ARIH1: variants seen among roughly 807,000 people sequenced by gnomAD.
ARIH1 encodes ariadne RBR E3 ubiquitin protein ligase 1, also known as E3 ubiquitin-protein ligase ARIH1.
ARIH1 carries 8 observed loss-of-function variants against 85.0 expected under a neutral mutation model. The ratio of observed to expected loss-of-function variants is 0.09; its 90% CI spans 0.06 to 0.17. ARIH1 has a LOEUF of 0.17. ARIH1 is among the 10% of genes least tolerant of loss of function. The pLI, the probability that ARIH1 is intolerant of heterozygous loss-of-function variation, is 1.00. For missense variants in ARIH1, 311 were observed against 718.1 expected, an observed-to-expected ratio of 0.43 and a Z score of 6.48; for synonymous variants, 238 against 253.6, an observed-to-expected ratio of 0.94 and a Z score of 0.59.
At chr15:72,487,261 T>A (rs2140394262) in intron 1 of ARIH1, among the ~76,000 whole-genome samples, 1 of 152,268 alleles carries the variant, frequency 6.6e-6, no homozygotes, top group South Asian at 2.1e-4. Flanking sequence ...TAAGAATAGC[T>A]ATCATCCTAG....
chr15:72,504,705 G>C (rs2063917458), intron 1 of ARIH1, among the ~76,000 whole-genome samples: 1 of 152,218 alleles, frequency 6.6e-6, no homozygotes, highest in Admixed American at 6.5e-5. Flanking sequence ...AACTGGGAGA[G>C]AATCGGCAGA....
intron 9 of ARIH1, 59 bp from the exon 10 acceptor site, chr15:72,570,118 A>C: frequency 6.3e-7 from 1 of 1,580,874 alleles, no homozygotes; most frequent in Admixed American, 1.8e-5. Flanking sequence ...GCTTTTCCTT[A>C]ATGTTAGTAA....
In ARIH1 at chr15:72,474,346, G is replaced by C; in HGVS notation, c.-294G>C. On this transcript the variant is annotated 5_prime_UTR_variant, in exon 1 of 14. Transcript: ENST00000379887. ...TGTTGGCTCAGTAGCGATAGCAGCG[G>C]CCGTGGAGGTGGCGTTGGGGACTGT... 2.5e-6 allele frequency: 1 copy of C among 398,760 alleles called. No homozygotes were observed. Among genetic ancestry groups the C allele is most frequent in the Non-Finnish European group, 4.5e-6 (1 of 220,874 alleles). 24.7% of individuals were successfully genotyped at this position (398,760 alleles called of 1,614,324 possible). A position where few individuals can be genotyped will look rare whatever the true frequency, so the allele number is the denominator to read the frequency against.
intron 1 of ARIH1, among the ~76,000 whole-genome samples, chr15:72,491,109 C>G (rs2063857424): frequency 6.6e-6 from 1 of 151,964 alleles, no homozygotes; most frequent in Admixed American, 6.6e-5. Context: ...GAGTAAGACT[C>G]TTGTCTCGAA....
Position 72,567,136 on chromosome 15 carries a change from G to A in ARIH1, c.985G>A (p.Asp329Asn). 6.2e-7 allele frequency: 1 copy of A among 1,612,364 alleles called. No homozygotes were observed. The highest frequency in any genetic ancestry group is 8.5e-7 in the Non-Finnish European group (1 of 1,179,120). Residue 329 changes from aspartate (D) to asparagine (N), a missense_variant, in exon 9 of 14, where the codon GAT becomes AAT. By Grantham distance (23) the Asp-to-Asn change is conservative. Around this residue, in one of 3 missense-constraint regions of ARIH1, gnomAD observed 50 missense variants for 311.7 expected, o/e 0.16. Transcript: ENST00000379887. ...AAAGAAATGGATTAAAAAGTGTGAT[G>A]ATGACAGTGAAACCTCCAATTGGAT... The part of the protein sequence containing the change: ...WLKKWIKKCD[D>N]DSETSNWIAA...
chr15:72,491,773 T>C (rs1005364495), intron 1 of ARIH1, among the ~76,000 whole-genome samples: 4 of 152,214 alleles, frequency 2.6e-5, no homozygotes, highest in African/African-American at 9.6e-5. Context: ...TTTTACTGTT[T>C]TGTGGTTAAG....
Position 72,593,885 on chromosome 15 carries a change from G to A in ARIH1, c.*10593G>A, listed in dbSNP as rs1210511142. On this transcript the variant is annotated 3_prime_UTR_variant, in exon 14 of 14. Transcript: ENST00000379887. ...GTTCATGCCACTGCATTCCAGCTTG[G>A]GTGACAGCAAGACCCTGTCAAAAAA... 6.6e-6 allele frequency: 1 copy of A among 151,208 alleles called. No individual in the cohort carries two copies. Among genetic ancestry groups the A allele is most frequent in the Non-Finnish European group, 1.5e-5 (1 of 67,860 alleles). 9.4% of individuals were successfully genotyped at this position (151,208 alleles called of 1,614,324 possible). A position where few individuals can be genotyped will look rare whatever the true frequency, so the allele number is the denominator to read the frequency against.
intron 1 of ARIH1, among the ~76,000 whole-genome samples, chr15:72,476,228 C>T (rs1016299823): frequency 6.6e-6 from 1 of 152,050 alleles, no homozygotes; most frequent in Non-Finnish European, 1.5e-5. Flanking sequence ...ATTGAAGCAT[C>T]TATTCAGGCA....
At chr15:72,480,417 A>C (rs1267581871) in intron 1 of ARIH1, among the ~76,000 whole-genome samples, 1 of 151,468 alleles carries the variant, frequency 6.6e-6, no homozygotes, top group Non-Finnish European at 1.5e-5. Context: ...ACGCGCCACC[A>C]CACCCAGCTA....
In ARIH1 at chr15:72,537,069, T is replaced by TA. The variant is rs2064085383; in HGVS notation, c.444-7750dup. ...ACCTAAGTCTTTTATAGCAAGCTGT[T>TA]ACAGATTTGTGTGAGTTCTCATTTT... On this transcript the variant is annotated intron_variant, in intron 2 of 13. Transcript: ENST00000379887. 2.6e-5 allele frequency among the ~76,000 whole-genome samples: 4 copies of TA among 152,134 alleles called. No homozygotes were observed. The South Asian group carries it at 8.3e-4, about 32-fold the overall frequency.
Position 72,570,185 on chromosome 15 carries a change from C to T in ARIH1, c.1035C>T (p.Pro345=). The T allele has an allele frequency of 6.2e-7, 1 of 1,613,882 alleles. No homozygotes were observed. The highest frequency in any genetic ancestry group is 8.5e-7 in the Non-Finnish European group (1 of 1,179,870). Residue 345 remains proline (P), a synonymous_variant, in exon 10 of 14, where the codon CCC becomes CCT. Coordinates refer to ENST00000379887, the MANE Select transcript of ARIH1 (RefSeq NM_005744.5). ...NWIAANTKEC[P]KCHVTIEKDG... ...ATAGTTTCTCTTCATAGGAATGTCC[C>T]AAATGCCATGTCACAATTGAGAAGG...
At position 72,588,539 on chromosome 15, in the gene ARIH1, T is replaced by G. The variant is rs533775162; in HGVS notation, c.*5247T>G. 1 of 152,320 alleles carries G rather than the reference T, an allele frequency of 6.6e-6. No individual in the cohort carries two copies. The highest frequency in any genetic ancestry group is 2.1e-4 in the South Asian group (1 of 4,822). The allele number at this position is 152,320 out of a possible 1,614,324, so 9.4% of individuals were successfully genotyped here. ...GCAGACTAGGTTGAGATCCTTGATC[T>G]AGACTGCCTTCTATAGTTGCAAAAA... On this transcript the variant is annotated 3_prime_UTR_variant, in exon 14 of 14. Transcript: ENST00000379887.
chr15:72,539,679 T>G (rs928081360), intron 2 of ARIH1, among the ~76,000 whole-genome samples: 13 of 152,120 alleles, frequency 8.5e-5, no homozygotes, highest in African/African-American at 2.9e-4. Context: ...AAATGACATT[T>G]CAAAAGAGAA....
intron 5 of ARIH1, among the ~76,000 whole-genome samples, chr15:72,560,278 G>T (rs560653722): frequency 6.6e-6 from 1 of 152,162 alleles, no homozygotes; most frequent in Non-Finnish European, 1.5e-5. Context: ...AGATGTTTAA[G>T]GTGCCATGAG....
intron 13 of ARIH1, 105 bp from the exon 14 acceptor site, chr15:72,583,103 C>T: frequency 1.2e-6 from 1 of 816,718 alleles, no homozygotes; most frequent in Non-Finnish European, 1.9e-6. Flanking sequence ...GTGCTTGGTT[C>T]CGAGTCTGGA....
intron 9 of ARIH1, among the ~76,000 whole-genome samples, chr15:72,568,089 A>G (rs1436290297): frequency 6.6e-6 from 1 of 152,220 alleles, no homozygotes; most frequent in South Asian, 2.1e-4. Flanking sequence ...GAAACAGTGA[A>G]TCTTGCCACA....
At position 72,585,344 on chromosome 15, in the gene ARIH1, C is replaced by A. The variant is rs1293584966; in HGVS notation, c.*2052C>A. 1.3e-5 allele frequency: 2 copies of A among 152,084 alleles called. No individual in the cohort carries two copies. The highest frequency in any genetic ancestry group is 2.1e-4 in the South Asian group (1 of 4,820). 9.4% of individuals were successfully genotyped at this position (152,084 alleles called of 1,614,324 possible). A position where few individuals can be genotyped will look rare whatever the true frequency, so the allele number is the denominator to read the frequency against. The stretch of plus-strand genomic sequence containing the variant: ...TCTCTCTCCCCTCTTCCCCCATTAT[C>A]CATATGACATTATTTTACTTCAAAT... On this transcript the variant is annotated 3_prime_UTR_variant, in exon 14 of 14. Transcript: ENST00000379887.
chr15:72,499,725 CT>C (rs1165107013), intron 1 of ARIH1, among the ~76,000 whole-genome samples: 1 of 152,142 alleles, frequency 6.6e-6, no homozygotes, highest in Non-Finnish European at 1.5e-5. Flanking sequence ...ATTTATACTC[CT>C]TGGAGCCCTT....
chr15:72,568,396 G>A (rs764899394), intron 9 of ARIH1, among the ~76,000 whole-genome samples: 10 of 152,108 alleles, frequency 6.6e-5, no homozygotes, highest in Non-Finnish European at 8.8e-5. Context: ...TCACTAAATT[G>A]TTTAATTAAA....
Sources: allele counts gnomAD v4.1 joint callset (sites outside exome capture counted in the v4.1 genomes callset), GRCh38; gene constraint gnomAD v4.1.1; regional missense constraint gnomAD v4.1.1; transcripts MANE v1.5; gene names NCBI Gene and HGNC (gene_info 2026-07-23, HGNC 2026-07-21).